The following FKBP15 variants were observed in gnomAD, a reference collection of about 807,000 sequenced individuals.
FKBP15 encodes the protein FK506-binding protein 15.
In FKBP15, 106 loss-of-function variants were observed where a neutral mutation model predicts 158.1. That is an observed-to-expected ratio of 0.67 (90% confidence interval 0.57 to 0.79). The LOEUF (loss-of-function observed/expected upper bound fraction) is 0.79, where lower values mean the gene tolerates loss of function less well. FKBP15 is among the 30% of genes least tolerant of loss of function. The pLI is 0.00. For synonymous variants in FKBP15, 547 were observed against 548.6 expected (o/e 1.00, Z 0.04); for missense variants, 1,287 against 1,479.1 (o/e 0.87, Z 2.13).
At chr9:113,173,187 C>T (rs763542510) in intron 23 of FKBP15, among the ~76,000 whole-genome samples, 15 of 152,162 alleles carry the variant, frequency 9.9e-5, no homozygotes, top group Non-Finnish European at 1.8e-4. Flanking sequence ...AACTGACTCT[C>T]AATAAATATT....
At chr9:113,187,538 C>A in intron 14 of FKBP15, 1 of 436,772 alleles carries the variant, frequency 2.3e-6, no homozygotes. Flanking sequence ...GAAAAGGAAA[C>A]AAACATTGAT....
At chr9:113,177,472 C>T (rs1830320426) in intron 20 of FKBP15, among the ~76,000 whole-genome samples, 1 of 152,176 alleles carries the variant, frequency 6.6e-6, no homozygotes, top group Admixed American at 6.5e-5. Flanking sequence ...CTCATGTGGG[C>T]CCAGTCATGC....
At position 113,176,562 on chromosome 9, in the gene FKBP15, C is replaced by T. The variant is rs746122121; in HGVS notation, c.2198G>A (p.Arg733Gln). ...TSLEEELTDL[R>Q]VEKESLEKNL... Reference sequence around the variant, plus strand: ...CTTTTCCAAGGACTCCTTCTCAACTCGAAGGTCAGTCAGTTCCTCCTCCAG... The same window carrying T: ...CTTTTCCAAGGACTCCTTCTCAACTTGAAGGTCAGTCAGTTCCTCCTCCAG... The change falls in exon 21 of 28, where the codon CGA becomes CAA. Residue 733 changes from arginine to glutamine, a missense_variant. Arg to Gln is a conservative substitution (Grantham distance 43, BLOSUM62 1). Transcript: ENST00000238256. The T allele has an allele frequency of 1.2e-5, 18 of 1,561,362 alleles. No individual in the cohort carries two copies. The highest frequency in any genetic ancestry group is 6.8e-5 in the African/African-American group (5 of 73,752).
Position 113,161,593 on chromosome 9 carries a change from A to T in FKBP15, c.*4485T>A. Reference sequence around the variant, plus strand: ...GTTGGCAAAGCCAAGCTGCTCAACCAGGTACTGGTGAACCTGCCAACCTCC... The same window carrying T: ...GTTGGCAAAGCCAAGCTGCTCAACCTGGTACTGGTGAACCTGCCAACCTCC... On this transcript the variant is annotated 3_prime_UTR_variant, in exon 28 of 28. Coordinates refer to ENST00000238256, the MANE Select transcript of FKBP15 (RefSeq NM_015258.2). 6.2e-7 allele frequency: 1 copy of T among 1,614,052 alleles called. No homozygotes were observed. Among genetic ancestry groups the T allele is most frequent in the Non-Finnish European group, 8.5e-7 (1 of 1,179,892 alleles).
At chr9:113,170,087 A>T in intron 25 of FKBP15, 145 bp from the exon 26 acceptor site, 1 of 1,111,062 alleles carries the variant, frequency 9.0e-7, no homozygotes, top group Non-Finnish European at 1.2e-6. Context: ...AAGTCACTCC[A>T]GGCATCCTAA....
At chr9:113,202,917 C>T in intron 5 of FKBP15, 44 bp downstream of exon 5, 1 of 1,471,776 alleles carries the variant, frequency 6.8e-7, no homozygotes, top group Non-Finnish European at 9.4e-7. Context: ...CTCCTGTAAA[C>T]CTATCCCGAA....
Position 113,207,255 on chromosome 9 carries a change from T to G in FKBP15, c.211A>C (p.Thr71Pro), listed in dbSNP as rs768484598. 2 of 1,613,270 alleles carry G rather than the reference T, an allele frequency of 1.2e-6. No individual in the cohort carries two copies. Among genetic ancestry groups the G allele is most frequent in the East Asian group, 4.5e-5 (2 of 44,888 alleles). The change falls in exon 3 of 28, where the codon ACT becomes CCT. Residue 71 changes from threonine (T) to proline (P), a missense_variant. By Grantham distance (38) the Thr-to-Pro change is conservative (BLOSUM62 -1). Transcript: ENST00000238256. The part of the protein sequence containing the change: ...TPKTAPATMS[T>P]PTILVATAVH... ...GCTGTTGCGACCAGTATTGTGGGAGTGCTCATGGTGGCTGGTGCTGTTTTT... is the reference window on the plus strand; with the variant it reads ...GCTGTTGCGACCAGTATTGTGGGAGGGCTCATGGTGGCTGGTGCTGTTTTT...
rs1261907595 is a variant in FKBP15, at chr9:113,197,054, T to C, written c.742A>G (p.Met248Val). The change falls in exon 9 of 28, where the codon ATG (methionine) becomes GTG (valine). Residue 248 changes from methionine (M) to valine (V), a missense_variant. Physicochemically the swap from Met to Val is conservative, Grantham distance 21. Coordinates refer to ENST00000238256, the MANE Select transcript of FKBP15 (RefSeq NM_015258.2). Reference protein sequence around the residue: ...IKGWEDGMLGMKKGGKRLLIV... With the variant: ...IKGWEDGMLGVKKGGKRLLIV... Reference sequence around the variant, plus strand: ...AGCAATCGCTTTCCTCCTTTTTTCATGCCCAGCATTCCATCCTCCCAGCCC... The same window carrying C: ...AGCAATCGCTTTCCTCCTTTTTTCACGCCCAGCATTCCATCCTCCCAGCCC... 1 of 1,613,886 alleles carries C rather than the reference T, an allele frequency of 6.2e-7. No homozygotes were observed. The highest frequency in any genetic ancestry group is 1.7e-5 in the Admixed American group (1 of 60,020).
chr9:113,206,672 C>A, intron 3 of FKBP15, 94 bp from the exon 4 acceptor site: 5 of 599,682 alleles, frequency 8.3e-6, no homozygotes, highest in South Asian at 3.9e-5. Context: ...GAACAACAGT[C>A]ATTCAGCCTC....
chr9:113,179,513 T>G (rs1830355511), intron 19 of FKBP15, among the ~76,000 whole-genome samples: 1 of 151,928 alleles, frequency 6.6e-6, no homozygotes, highest in Admixed American at 6.6e-5. Flanking sequence ...AATACAAAAA[T>G]TAGCCAGGCA....
rs746809953 is a variant in FKBP15 at position 113,202,626 on chromosome 9, G to A, written c.403C>T (p.Arg135Trp). The A allele has an allele frequency of 1.6e-5, 25 of 1,559,546 alleles. No homozygotes were observed. Among genetic ancestry groups the A allele is most frequent in the Admixed American group, 7.6e-5 (4 of 52,404 alleles). ...RIHVNFELMVRPNNYSTFYDD... is the reference protein window; with the variant it reads ...RIHVNFELMVWPNNYSTFYDD... ...TAAAAGGTGCTATAGTTATTGGGCC[G>A]AACCTGGAGAAAGGAGAAATGTTAA... The change falls in exon 6 of 28, where the codon CGG becomes TGG. Residue 135 changes from arginine to tryptophan, a missense_variant. Coordinates refer to ENST00000238256, the MANE Select transcript of FKBP15 (RefSeq NM_015258.2).
At position 113,184,019 on chromosome 9, in the gene FKBP15, A is replaced by C. The variant is rs930320730; in HGVS notation, c.1717-174T>G. 4.6e-5 allele frequency among the ~76,000 whole-genome samples: 7 copies of C among 152,246 alleles called. No individual in the cohort carries two copies. Among genetic ancestry groups the C allele is most frequent in the African/African-American group, 1.7e-4 (7 of 41,464 alleles). On this transcript the variant is annotated intron_variant, in intron 17 of 27. Coordinates refer to ENST00000238256, the MANE Select transcript of FKBP15 (RefSeq NM_015258.2). This position sits in a 1 kb window ranked among gnomAD's most constrained non-coding sequence, Gnocchi z 4.5. ...ACATCAGATTACACCTGATGGATACAAATCACTAGGTCCAATGGATTGAGT... is the reference window on the plus strand; with the variant it reads ...ACATCAGATTACACCTGATGGATACCAATCACTAGGTCCAATGGATTGAGT...
chr9:113,200,407 G>A (rs1368813477), intron 6 of FKBP15, among the ~76,000 whole-genome samples: 2 of 152,142 alleles, frequency 1.3e-5, no homozygotes, highest in Non-Finnish European at 2.9e-5. Context: ...AGAAAGGGGA[G>A]CTTTGAAAAA....
At position 113,161,458 on chromosome 9, in the gene FKBP15, G is replaced by A; in HGVS notation, c.*4620C>T. 1 of 1,553,752 alleles carries A rather than the reference G, an allele frequency of 6.4e-7. No homozygotes were observed. Among genetic ancestry groups the A allele is most frequent in the Admixed American group, 1.8e-5 (1 of 56,686 alleles). On this transcript the variant is annotated 3_prime_UTR_variant, in exon 28 of 28. Transcript: ENST00000238256. ...CATGAACAGGTGGAGGTGCTGGAAG[G>A]GAAACAGTGCTGGCCTGGCCAGGTC...
At chr9:113,168,879 T>C (rs1053898930) in intron 26 of FKBP15, among the ~76,000 whole-genome samples, 1 of 152,220 alleles carries the variant, frequency 6.6e-6, no homozygotes, top group East Asian at 1.9e-4. Context: ...TATCATACTT[T>C]ATGATATGTA....
At chr9:113,208,239 A>C (rs1046833485) in intron 2 of FKBP15, among the ~76,000 whole-genome samples, 1 of 152,170 alleles carries the variant, frequency 6.6e-6, no homozygotes, top group Non-Finnish European at 1.5e-5. Context: ...CATGAGGCTG[A>C]AGAGGAAGAA....
At chr9:113,217,201 GTTTTTTTTTTTT>G (rs979783485) in intron 1 of FKBP15, among the ~76,000 whole-genome samples, 1 of 89,398 alleles carries the variant, frequency 1.1e-5, no homozygotes, top group Non-Finnish European at 2.1e-5. Context: ...ACCACGCCCA[GTTTTTTTTTTTT>G]TTTTTTTTTT....
intron 27 of FKBP15, among the ~76,000 whole-genome samples, chr9:113,167,715 G>A (rs1254653921): frequency 1.3e-5 from 2 of 152,180 alleles, no homozygotes; most frequent in Non-Finnish European, 2.9e-5. Flanking sequence ...GCCCACCTGT[G>A]TTCTCCATAT....
chr9:113,194,647 T>C (rs1830637227), intron 9 of FKBP15, among the ~76,000 whole-genome samples: 1 of 152,170 alleles, frequency 6.6e-6, no homozygotes, highest in South Asian at 2.1e-4. Context: ...TCTGTGTCTG[T>C]ATATACCTTT....
Sources: gnomAD v4.1 joint callset for allele counts (sites outside exome capture counted in the v4.1 genomes callset) on GRCh38, gnomAD v4.1.1 for gene constraint, Gnocchi (gnomAD v3.1) non-coding constraint, MANE v1.5 for transcripts, NCBI Gene and HGNC (gene_info 2026-07-23, HGNC 2026-07-21) for gene names.